Variants in PSMF1 observed in about 807,000 individuals in gnomAD.
PSMF1 encodes the protein proteasome inhibitor PI31 subunit.
In PSMF1, 30 loss-of-function variants were observed where a neutral mutation model predicts 29.3. The ratio of observed to expected loss-of-function variants is 1.02; its 90% CI spans 0.77 to 1.39. The LOEUF is 1.39. PSMF1 is among the 40% of genes most tolerant of loss of function. The pLI is 0.00. For synonymous variants in PSMF1, 134 were observed against 139.7 expected, an observed-to-expected ratio of 0.96 and a Z score of 0.29; for missense variants, 344 against 357.5, an observed-to-expected ratio of 0.96 and a Z score of 0.31.
At chr20:1,146,653 C>CA (rs1234977699) in intron 4 of PSMF1, among the ~76,000 whole-genome samples, 3 of 152,258 alleles carry the variant, frequency 2.0e-5, no homozygotes, top group African/African-American at 7.2e-5. Context: ...CCTCTCCCCC[C>CA]ACGTCAAGGA....
rs1369130058 is a variant in PSMF1, at chr20:1,166,603, C to G, written c.*1523C>G. 7 of 274,476 alleles carry G rather than the reference C, an allele frequency of 2.6e-5. No individual in the cohort carries two copies. Among genetic ancestry groups the G allele is most frequent in the Non-Finnish European group, 4.3e-5 (6 of 140,176 alleles). 17.0% of individuals were successfully genotyped at this position (274,476 alleles called of 1,614,324 possible). On this transcript the variant is annotated 3_prime_UTR_variant, in exon 7 of 7. Coordinates refer to ENST00000335877, the MANE Select transcript of PSMF1 (RefSeq NM_006814.5). ...TGGGGAGGCTAGCATGCGTGGCTCC[C>G]TGGGTATTTCTGTCAGTCCCCATGG...
At chr20:1,144,671 C>G (rs1261873615) in intron 4 of PSMF1, among the ~76,000 whole-genome samples, 1 of 152,092 alleles carries the variant, frequency 6.6e-6, no homozygotes, top group African/African-American at 2.4e-5. Flanking sequence ...GAAGCCATTC[C>G]CAAAAGGTCA....
At chr20:1,150,739 T>A (rs1340111750) in intron 4 of PSMF1, among the ~76,000 whole-genome samples, 2 of 152,194 alleles carry the variant, frequency 1.3e-5, no homozygotes, top group African/African-American at 2.4e-5. Context: ...TGGTTTTTTT[T>A]AATTATTGTT....
chr20:1,164,588 G>A lies in PSMF1; in HGVS notation c.764+112G>A, dbSNP rs1021420638. ...CACAGAGCTGCCGCTGCCTTCACCT[G>A]TTGCTGCCAGGAGAGTGGAGCCTCC... On this transcript the variant is annotated intron_variant, in intron 6 of 6. Transcript: ENST00000335877. This position sits in a 1 kb window ranked among gnomAD's most constrained non-coding sequence, Gnocchi z 4.1. 20 of 1,423,946 alleles carry A rather than the reference G, an allele frequency of 1.4e-5. No homozygotes were observed. Among genetic ancestry groups the A allele is most frequent in the Non-Finnish European group, 1.7e-5 (18 of 1,040,268 alleles). The allele number at this position is 1,423,946 out of a possible 1,614,324, so 88.2% of individuals were successfully genotyped here. A position where few individuals can be genotyped will look rare whatever the true frequency, so the allele number is the denominator to read the frequency against.
chr20:1,166,297 G>C lies in PSMF1; in HGVS notation c.*1217G>C. The C allele has an allele frequency of 6.3e-7, 1 of 1,593,186 alleles. No homozygotes were observed. The highest frequency in any genetic ancestry group is 1.1e-5 in the South Asian group (1 of 89,826). On this transcript the variant is annotated 3_prime_UTR_variant, in exon 7 of 7. Coordinates refer to ENST00000335877, the MANE Select transcript of PSMF1 (RefSeq NM_006814.5). The stretch of plus-strand genomic sequence containing the variant: ...TGGAAAGAGCACGATAGAGCACCAG[G>C]CTAAGAGGCACGAGATCAAGGCGGT...
rs895447200 is a variant in PSMF1 at position 1,166,494 on chromosome 20, A to G, written c.*1414A>G. ...TGTTTTCTGTAGCCTCAGATTGCCT[A>G]TCTGCTTAGCCTGAGAACAGGTAGA... is the stretch of plus-strand genomic sequence containing the variant. On this transcript the variant is annotated 3_prime_UTR_variant, in exon 7 of 7. Transcript: ENST00000335877. 5.3e-5 allele frequency: 30 copies of G among 569,446 alleles called. No homozygotes were observed. The Admixed American group carries it at 5.6e-4, about 11-fold the overall frequency. The allele number at this position is 569,446 out of a possible 1,614,324, so 35.3% of individuals were successfully genotyped here. A position where few individuals can be genotyped will look rare whatever the true frequency, so the allele number is the denominator to read the frequency against.
intron 4 of PSMF1, among the ~76,000 whole-genome samples, chr20:1,145,170 GCC>G (rs2086434112): frequency 1.3e-5 from 2 of 152,210 alleles, no homozygotes; most frequent in African/African-American, 4.8e-5. Context: ...ATAGGCATAA[GCC>G]CCTGTTCCTG....
upstream of PSMF1, among the ~76,000 whole-genome samples, chr20:1,113,831 A>G (rs2085990384): frequency 6.6e-6 from 1 of 151,974 alleles, no homozygotes; most frequent in Non-Finnish European, 1.5e-5. Flanking sequence ...AGCTGGAACT[A>G]CAGGTGCCCG....
chr20:1,143,681 A>G (rs1261284301), intron 4 of PSMF1, among the ~76,000 whole-genome samples: 1 of 152,216 alleles, frequency 6.6e-6, no homozygotes, highest in African/African-American at 2.4e-5. Flanking sequence ...AAGAGGATAG[A>G]AGCATAACCT....
At chr20:1,122,151 T>A (rs540291727) in intron 1 of PSMF1, among the ~76,000 whole-genome samples, 1 of 152,272 alleles carries the variant, frequency 6.6e-6, no homozygotes, top group East Asian at 1.9e-4. Context: ...TGGACCTGGC[T>A]GGGAAAAACC....
At chr20:1,143,250 G>A (rs891422279) in intron 4 of PSMF1, among the ~76,000 whole-genome samples, 3 of 152,100 alleles carry the variant, frequency 2.0e-5, no homozygotes, top group African/African-American at 7.2e-5. Flanking sequence ...CAATATTAGG[G>A]CTAATTATAT....
At chr20:1,139,195 A>G (rs913682959) in intron 4 of PSMF1, among the ~76,000 whole-genome samples, 1 of 152,122 alleles carries the variant, frequency 6.6e-6, no homozygotes, top group African/African-American at 2.4e-5. Flanking sequence ...CGAAAAGAAC[A>G]ACAACAAAAA....
chr20:1,167,762 T>G lies in PSMF1; in HGVS notation c.*2682T>G, dbSNP rs1162578331. 2 of 152,220 alleles carry G rather than the reference T, an allele frequency of 1.3e-5. No individual in the cohort carries two copies. Among genetic ancestry groups the G allele is most frequent in the African/African-American group, 4.8e-5 (2 of 41,440 alleles). 9.4% of individuals were successfully genotyped at this position (152,220 alleles called of 1,614,324 possible). On this transcript the variant is annotated 3_prime_UTR_variant, in exon 7 of 7. Coordinates refer to ENST00000335877, the MANE Select transcript of PSMF1 (RefSeq NM_006814.5). ...TGGGTTGTTTCTACAAAAAGGCTAT[T>G]ATGAGTAATGCAGCCAAGAACATTT...
intron 4 of PSMF1, among the ~76,000 whole-genome samples, chr20:1,157,689 A>G (rs2086611979): frequency 1.3e-5 from 2 of 151,998 alleles, no homozygotes. Flanking sequence ...CGTAGCTGGT[A>G]TTGATGATTG....
Position 1,143,054 on chromosome 20 carries a change from A to T in PSMF1, c.551+7748A>T, listed in dbSNP as rs536221106. Among the ~76,000 whole-genome samples, 20 of 151,530 alleles carry T rather than the reference A, an allele frequency of 1.3e-4. No individual in the cohort carries two copies. In the South Asian group the frequency reaches 3.3e-3, roughly 25 times the overall value. ...CATATTCATGGATTAAAAAATCAGC[A>T]TAGTAAAAATGTCAGATACTCCACA... is the stretch of plus-strand genomic sequence containing the variant. On this transcript the variant is annotated intron_variant, in intron 4 of 6. Coordinates refer to ENST00000335877, the MANE Select transcript of PSMF1 (RefSeq NM_006814.5).
At chr20:1,128,034 G>C (rs1248059036) in intron 3 of PSMF1, among the ~76,000 whole-genome samples, 1 of 152,092 alleles carries the variant, frequency 6.6e-6, no homozygotes, top group Non-Finnish European at 1.5e-5. Flanking sequence ...CATTATTAGG[G>C]CTCAAGCTTG....
Position 1,166,902 on chromosome 20 carries a change from A to G in PSMF1, c.*1822A>G, listed in dbSNP as rs912302394. On this transcript the variant is annotated 3_prime_UTR_variant, in exon 7 of 7. Coordinates refer to ENST00000335877, the MANE Select transcript of PSMF1 (RefSeq NM_006814.5). ...TTTAAAGGATGATAGAGACCATCAG[A>G]TAGAAGCAGGGAAGGTAGATAACTT... 6.6e-6 allele frequency: 1 copy of G among 152,296 alleles called. No individual in the cohort carries two copies. The highest frequency in any genetic ancestry group is 2.4e-5 in the African/African-American group (1 of 41,458). 9.4% of individuals were successfully genotyped at this position (152,296 alleles called of 1,614,324 possible).
chr20:1,127,543 GAAGA>G lies in PSMF1; in HGVS notation c.365+36_365+39del, dbSNP rs1396550754. ...AATGATGTCTCTTCCCTGGGAAAAA[GAAGA>G]GAGAACTAATGGCAAGATATGAGGA... On this transcript the variant is annotated intron_variant, in intron 3 of 6. Coordinates refer to ENST00000335877, the MANE Select transcript of PSMF1 (RefSeq NM_006814.5). 2.6e-6 allele frequency: 4 copies of G among 1,514,012 alleles called. No individual in the cohort carries two copies. The Admixed American group carries it at 5.0e-5, about 19-fold the overall frequency. The allele number at this position is 1,514,012 out of a possible 1,614,324, so 93.8% of individuals were successfully genotyped here.
At chr20:1,162,969 G>C (rs1371206822) in intron 4 of PSMF1, among the ~76,000 whole-genome samples, 161 bp from the exon 5 acceptor site, 1 of 152,022 alleles carries the variant, frequency 6.6e-6, no homozygotes, top group Non-Finnish European at 1.5e-5. Flanking sequence ...GTCATTGTAG[G>C]ATTATCATTG....
Sources: gnomAD v4.1 joint callset for allele counts (sites outside exome capture counted in the v4.1 genomes callset) on GRCh38, gnomAD v4.1.1 for gene constraint, Gnocchi (gnomAD v3.1) non-coding constraint, MANE v1.5 for transcripts, NCBI Gene and HGNC (gene_info 2026-07-23, HGNC 2026-07-21) for gene names.